Variants in ZMAT1 observed in about 807,000 individuals in gnomAD.
The protein encoded by ZMAT1 is zinc finger matrin-type protein 1.
Under a neutral mutation model 18.5 loss-of-function variants are expected in ZMAT1, and 11 were observed. The ratio of observed to expected loss-of-function variants is 0.59; its 90% CI spans 0.37 to 0.98. The LOEUF is 0.98. Ranked by LOEUF, ZMAT1 falls within the 50% of genes least tolerant of loss-of-function variation. The pLI is 0.01. For missense variants in ZMAT1, 525 were observed against 496.2 expected (o/e 1.06, Z -0.55); for synonymous variants, 211 against 176.4 (o/e 1.20, Z -1.55).
chrX:101,896,348 T>C (rs984413943), intron 4 of ZMAT1, among the ~76,000 whole-genome samples: 3 of 111,927 alleles, frequency 2.7e-5, no homozygotes, highest in Non-Finnish European at 3.8e-5. Context: ...TTCCAGTATT[T>C]CATAGCTCTT....
rs761796281 is a variant in ZMAT1 at position 101,883,675 on chromosome X, A to C, written c.1923T>G (p.Asp641Glu). 2 of 1,204,128 alleles carry C rather than the reference A, an allele frequency of 1.7e-6. No individual in the cohort carries two copies. The highest frequency in any genetic ancestry group is 2.2e-6 in the Non-Finnish European group (2 of 892,752). ...GCTTTCCTGAACTGACCTTGACTCT[A>C]TCCTCCTCTCTTTTCCTTTGTCTGA... is the stretch of plus-strand genomic sequence containing the variant. ...KSIRQRKREE[D>E]RVKVSSGKLK... Residue 641 changes from aspartate to glutamate, a missense_variant, in exon 6 of 6, where the codon GAT becomes GAG. Coordinates refer to ENST00000651725, the MANE Select transcript of ZMAT1 (RefSeq NM_001394560.1).
rs544181767 is a variant in ZMAT1 at position 101,895,862 on chromosome X, A to T, written c.676+2006T>A. On this transcript the variant is annotated intron_variant, in intron 4 of 5. Transcript: ENST00000651725. ...GGCTTCAGGAATGTTGACTCTGCAG[A>T]AGTAGTAAGAGGCACTCCTGCTGAA... The T allele has an allele frequency of 4.5e-5, 34 of 750,799 alleles. No homozygotes were observed. In the South Asian group the frequency reaches 2.0e-3, roughly 44 times the overall value. The allele number at this position is 750,799 out of a possible 1,213,427, so 61.9% of individuals were successfully genotyped here. A position where few individuals can be genotyped will look rare whatever the true frequency, so the allele number is the denominator to read the frequency against.
At position 101,915,151 on chromosome X, in the gene ZMAT1, T is replaced by C. The variant is rs780316610; in HGVS notation, c.293-10821A>G. Among the ~76,000 whole-genome samples the C allele has an allele frequency of 2.7e-5, 3 of 111,321 alleles. No homozygotes were observed. In the South Asian group the frequency reaches 1.1e-3, roughly 42 times the overall value. Reference sequence around the variant, plus strand: ...ATTCAACATTCCTTTGTGATAAAAATCCTCAAAAAACTGGGGATAGATGGA... The same window carrying C: ...ATTCAACATTCCTTTGTGATAAAAACCCTCAAAAAACTGGGGATAGATGGA... On this transcript the variant is annotated intron_variant, in intron 1 of 5. Coordinates refer to ENST00000651725, the MANE Select transcript of ZMAT1 (RefSeq NM_001394560.1).
At chrX:101,923,170 A>G (rs1324390328) in intron 1 of ZMAT1, among the ~76,000 whole-genome samples, 1 of 111,703 alleles carries the variant, frequency 9.0e-6, no homozygotes, top group Non-Finnish European at 1.9e-5. Context: ...CTCTTCCTTA[A>G]CTGATTAGAA....
At chrX:101,911,963 C>T in intron 1 of ZMAT1, 1 of 1,204,144 alleles carries the variant, frequency 8.3e-7, no homozygotes, top group East Asian at 3.0e-5. Flanking sequence ...CCACCTCACT[C>T]AGCACCGGAG....
rs765539176 is a variant in ZMAT1, at chrX:101,916,671, G to A, written c.293-12341C>T. 7.2e-5 allele frequency among the ~76,000 whole-genome samples: 8 copies of A among 111,316 alleles called. No homozygotes were observed. The South Asian group carries it at 3.0e-3, about 42-fold the overall frequency. On this transcript the variant is annotated intron_variant, in intron 1 of 5. Coordinates refer to ENST00000651725, the MANE Select transcript of ZMAT1 (RefSeq NM_001394560.1). ...AAACACCAATGACATTCTTCACAGA[G>A]ATAGAAAAAAAATCTCAAAATTTAT...
intron 2 of ZMAT1, among the ~76,000 whole-genome samples, chrX:101,902,729 G>A (rs1271457953): frequency 9.0e-6 from 1 of 111,619 alleles, no homozygotes; most frequent in African/African-American, 3.3e-5. Context: ...AATCTTCAAA[G>A]TTTTAGAAGA....
At chrX:101,919,058 G>C (rs759668553) in intron 1 of ZMAT1, among the ~76,000 whole-genome samples, 1 of 110,404 alleles carries the variant, frequency 9.1e-6, no homozygotes, top group South Asian at 3.8e-4. Context: ...ATATTCCTAG[G>C]ATTAAAATCT....
At chrX:101,887,340 T>A (rs1468905142) in intron 4 of ZMAT1, 2 of 601,557 alleles carry the variant, frequency 3.3e-6, no homozygotes, top group Non-Finnish European at 4.0e-6. Context: ...TTCAAAAGAG[T>A]CAAAAGCTAT....
chrX:101,890,217 C>T (rs764638654), intron 4 of ZMAT1: 1 of 111,762 alleles, frequency 8.9e-6, no homozygotes, highest in Non-Finnish European at 1.9e-5. Flanking sequence ...AAAAATTATG[C>T]CCTCATTACC....
At chrX:101,913,655 A>G (rs746268243) in intron 1 of ZMAT1, among the ~76,000 whole-genome samples, 1 of 111,932 alleles carries the variant, frequency 8.9e-6, no homozygotes, top group South Asian at 3.7e-4. Context: ...AATTTTAAAT[A>G]GATATGCACC....
At chrX:101,913,739 A>G (rs1929113941) in intron 1 of ZMAT1, among the ~76,000 whole-genome samples, 1 of 111,966 alleles carries the variant, frequency 8.9e-6, no homozygotes, top group Non-Finnish European at 1.9e-5. Flanking sequence ...CAATACAGTA[A>G]CAGCTGGAGA....
intron 4 of ZMAT1, among the ~76,000 whole-genome samples, chrX:101,897,232 C>T (rs1005743283): frequency 2.9e-5 from 3 of 104,412 alleles, no homozygotes; most frequent in East Asian, 6.2e-4. Flanking sequence ...AGTAAACTAT[C>T]GCAAGAACAA....
Position 101,884,645 on chromosome X carries a change from G to T in ZMAT1, c.953C>A (p.Ser318Tyr), listed in dbSNP as rs1603272113. Reference protein sequence around the residue: ...ETRRYREVVDSRPRHRMFEQR... With the variant: ...ETRRYREVVDYRPRHRMFEQR... ...TTCAAACATTCTATGTCTGGGTCTG[G>T]AATCGACCACTTCTCTGTATCTACG... The change falls in exon 6 of 6, where the codon TCC becomes TAC. Residue 318 changes from serine (S) to tyrosine (Y), a missense_variant. Transcript: ENST00000651725. 8.3e-7 allele frequency: 1 copy of T among 1,208,550 alleles called. No individual in the cohort carries two copies. Among genetic ancestry groups the T allele is most frequent in the African/African-American group, 1.8e-5 (1 of 56,886 alleles).
intron 1 of ZMAT1, among the ~76,000 whole-genome samples, chrX:101,907,921 A>G (rs7889374): frequency 0.39 from 42,935 of 110,720 alleles, 6,383 homozygotes; most frequent in Non-Finnish European, 0.44. Flanking sequence ...GAGCAGGAGT[A>G]CCTATACCTA....
rs1926560988 is a variant in ZMAT1 at position 101,882,710 on chromosome X, A to C, written c.*800T>G. On this transcript the variant is annotated 3_prime_UTR_variant, in exon 6 of 6. Transcript: ENST00000651725. The stretch of plus-strand genomic sequence containing the variant: ...TTAGGGAAATTACATTATATGTGAG[A>C]TATGTGAGAAACATTTAATAATTTT... 1 of 111,822 alleles carries C rather than the reference A, an allele frequency of 8.9e-6. No individual in the cohort carries two copies. The highest frequency in any genetic ancestry group is 9.5e-5 in the Admixed American group (1 of 10,525). The allele number at this position is 111,822 out of a possible 1,213,427, so 9.2% of individuals were successfully genotyped here.
In ZMAT1 at chrX:101,931,758, C is replaced by T. The variant is rs888336629; in HGVS notation, c.251G>A (p.Gly84Asp). The T allele has an allele frequency of 2.6e-5, 20 of 771,116 alleles. No individual in the cohort carries two copies. The highest frequency in any genetic ancestry group is 3.1e-5 in the Non-Finnish European group (20 of 651,221). The allele number at this position is 771,116 out of a possible 1,213,427, so 63.5% of individuals were successfully genotyped here. A position where few individuals can be genotyped will look rare whatever the true frequency, so the allele number is the denominator to read the frequency against. The change falls in exon 1 of 6, where the codon GGC (glycine) becomes GAC (aspartate). Residue 84 changes from glycine to aspartate, a missense_variant. Gly to Asp is a moderately conservative substitution (Grantham distance 94). Coordinates refer to ENST00000651725, the MANE Select transcript of ZMAT1 (RefSeq NM_001394560.1). ...GSTMAAAGRG[G>D]SSFKVDTRPC... ...GCGGGTGTCTACTTTAAAACTACTG[C>T]CCCCCCTCCCCGCCGCCGCCATAGT...
chrX:101,931,120 C>G (rs1930451917), intron 1 of ZMAT1, among the ~76,000 whole-genome samples: 2 of 111,769 alleles, frequency 1.8e-5, no homozygotes, highest in Admixed American at 9.5e-5. Flanking sequence ...TCCTAAAATC[C>G]GACAGATCCT....
intron 2 of ZMAT1, among the ~76,000 whole-genome samples, chrX:101,901,191 G>C (rs893799853): frequency 1.8e-5 from 2 of 111,462 alleles, no homozygotes; most frequent in Non-Finnish European, 3.8e-5. Context: ...TCTTTTATCA[G>C]TTCTAGGGGC....
Sources: gnomAD v4.1 joint callset for allele counts (sites outside exome capture counted in the v4.1 genomes callset) on GRCh38, gnomAD v4.1.1 for gene constraint, MANE v1.5 for transcripts, NCBI Gene and HGNC (gene_info 2026-07-23, HGNC 2026-07-21) for gene names.